The following SAA2 variants were observed in gnomAD, a reference collection of about 807,000 sequenced individuals.
The protein encoded by SAA2 is serum amyloid A-2 protein.
In SAA2, 5 loss-of-function variants were observed where a neutral mutation model predicts 9.1. That is an observed-to-expected ratio of 0.55 (90% CI 0.29 to 1.16). SAA2 has a LOEUF of 1.16. Ranked by LOEUF, SAA2 falls within the 50% of genes most tolerant of loss-of-function variation. The pLI is 0.09. For missense variants in SAA2, 94 were observed against 153.8 expected (o/e 0.61, Z 2.06); for synonymous variants, 49 against 59.8 (o/e 0.82, Z 0.83).
At chr11:18,243,051 T>C (rs1419948094), downstream of SAA2, among the ~76,000 whole-genome samples, 3 of 152,232 alleles carry the variant, frequency 2.0e-5, no homozygotes, top group Non-Finnish European at 2.9e-5. Context: ...ACCTTTTTCC[T>C]TGGATACAAA....
chr11:18,242,931 G>A (rs954158287), downstream of SAA2: 6 of 645,664 alleles, frequency 9.3e-6, 1 homozygote, highest in Non-Finnish European at 5.6e-6. Flanking sequence ...AGAGAAGCAT[G>A]TTAATTCTTA....
downstream of SAA2, chr11:18,240,435 C>T: frequency 3.2e-6 from 2 of 622,668 alleles, no homozygotes; most frequent in East Asian, 2.7e-5. Flanking sequence ...ATCAGCCTAC[C>T]AGGGTACTGT....
At position 18,245,510 on chromosome 11, in the gene SAA2, G is replaced by T. The variant is rs116861605; in HGVS notation, c.236C>A (p.Ala79Asp). Residue 79 changes from alanine (A) to aspartate (D), a missense_variant, in exon 4 of 4, where the codon GCC becomes GAC. By Grantham distance (126) the Ala-to-Asp change is moderately radical (BLOSUM62 -2). Around this residue, in one of 2 missense-constraint regions of SAA2, gnomAD observed 62 missense variants for 58.3 expected, o/e 1.06. Coordinates refer to ENST00000256733, the MANE Select transcript of SAA2 (RefSeq NM_030754.5). Reference protein sequence around the residue: ...GAWAAEVISNARENIQRLTGR... With the variant: ...GAWAAEVISNDRENIQRLTGR... ...TGTGAGTCTCTGGATATTCTCTCTG[G>T]CATTGCTGTAGTCCAGGCAGGCAAG... The T allele has an allele frequency of 8.1e-6, 13 of 1,614,018 alleles. No homozygotes were observed. Among genetic ancestry groups the T allele is most frequent in the Non-Finnish European group, 9.3e-6 (11 of 1,179,898 alleles).
At chr11:18,242,667 G>A (rs545564052), downstream of SAA2, 1,205 of 639,264 alleles carry the variant, frequency 1.9e-3, 9 homozygotes, top group South Asian at 4.3e-3. Context: ...GTGACACGGC[G>A]AAACCCCATC....
At position 18,245,433 on chromosome 11, in the gene SAA2, T is replaced by A. The variant is rs1241435366; in HGVS notation, c.313A>T (p.Arg105Trp). 1 of 1,614,258 alleles carries A rather than the reference T, an allele frequency of 6.2e-7. No individual in the cohort carries two copies. The change falls in exon 4 of 4, where the codon AGG (arginine) becomes TGG (tryptophan). Residue 105 changes from arginine to tryptophan, a missense_variant. Coordinates refer to ENST00000256733, the MANE Select transcript of SAA2 (RefSeq NM_030754.5). ...AAGTGATTGGGGTCTCTGCCACTCC[T>A]GCCCCATTTATTGGCAGCCTGATCG... The part of the protein sequence containing the change: ...LADQAANKWG[R>W]SGRDPNHFRP...
At chr11:18,242,720 T>C (rs986015014), downstream of SAA2, 3 of 694,584 alleles carry the variant, frequency 4.3e-6, no homozygotes, top group Non-Finnish European at 7.9e-6. Context: ...ATGGCGCACA[T>C]CTGCAGTCCC....
At chr11:18,242,219 GC>G (rs1260216920), downstream of SAA2, 1 of 152,250 alleles carries the variant, frequency 6.6e-6, no homozygotes, top group Non-Finnish European at 1.5e-5. Context: ...TCTGCCCTCT[GC>G]AAGCTAGAAA....
intron 3 of SAA2, chr11:18,240,208 A>C (rs1857305867): frequency 1.4e-6 from 1 of 713,850 alleles, no homozygotes; most frequent in African/African-American, 1.7e-5. Context: ...ATTCTCTTGA[A>C]ATTTGAATGA....
chr11:18,246,903 G>A (rs112002597), intron 2 of SAA2, among the ~76,000 whole-genome samples: 1 of 148,408 alleles, frequency 6.7e-6, no homozygotes, highest in African/African-American at 2.4e-5. Context: ...TGCAGACTCT[G>A]CTGGGGAGTT....
chr11:18,239,860 G>T, exon 4 of SAA2: 1 of 1,496,924 alleles, frequency 6.7e-7, no homozygotes, highest in Non-Finnish European at 8.9e-7. Flanking sequence ...GGTCTTGTTA[G>T]TGGTGGTTAT....
At position 18,245,333 on chromosome 11, in the gene SAA2, G is replaced by T. The variant is rs748071108; in HGVS notation, c.*44C>A. The T allele has an allele frequency of 3.7e-6, 6 of 1,611,592 alleles. No homozygotes were observed. The South Asian group carries it at 6.6e-5, about 18-fold the overall frequency. On this transcript the variant is annotated 3_prime_UTR_variant, in exon 4 of 4. Coordinates refer to ENST00000256733, the MANE Select transcript of SAA2 (RefSeq NM_030754.5). ...CACTAACTTTGTATCCCTGCCCCGA[G>T]GGCCTCATAGCCAGGTCTCCTGAGA...
At chr11:18,240,214 A>C (rs917139528) in intron 3 of SAA2, 4 of 709,272 alleles carry the variant, frequency 5.6e-6, no homozygotes, top group Non-Finnish European at 1.0e-5. Flanking sequence ...TTGAAATTTG[A>C]ATGAGGCAAA....
downstream of SAA2, among the ~76,000 whole-genome samples, chr11:18,240,458 C>T (rs1028046619): frequency 1.3e-5 from 2 of 152,152 alleles, no homozygotes; most frequent in Admixed American, 6.5e-5. Flanking sequence ...TTTGGGGTGA[C>T]ATTCCCTGGG....
At chr11:18,243,040 C>G (rs1294602919), downstream of SAA2, among the ~76,000 whole-genome samples, 1 of 152,132 alleles carries the variant, frequency 6.6e-6, no homozygotes, top group Non-Finnish European at 1.5e-5. Flanking sequence ...GTAAACCAAG[C>G]ACCTTTTTCC....
chr11:18,242,199 A>G (rs1857365454), downstream of SAA2: 1 of 152,236 alleles, frequency 6.6e-6, no homozygotes. Flanking sequence ...GGGGCTGAGA[A>G]GTCCCACGAT....
chr11:18,247,218 G>A (rs1409943258), intron 2 of SAA2, among the ~76,000 whole-genome samples: 3 of 152,158 alleles, frequency 2.0e-5, no homozygotes, highest in African/African-American at 7.2e-5. Flanking sequence ...CCCAGCTCTT[G>A]TCAAGAAGGC....
intron 2 of SAA2, among the ~76,000 whole-genome samples, chr11:18,247,133 C>T (rs1332478959): frequency 1.3e-5 from 2 of 152,306 alleles, no homozygotes; most frequent in African/African-American, 4.8e-5. Flanking sequence ...AGAAGGGATG[C>T]CTGCCTCACA....
chr11:18,245,588 C>T (rs56373142), intron 3 of SAA2, 73 bp from the exon 4 acceptor site: 647,116 of 1,574,046 alleles, frequency 0.41, 140,311 homozygotes, highest in Non-Finnish European at 0.44. Flanking sequence ...CCATTCTCCC[C>T]GTTCCAAGGG....
At chr11:18,243,637 C>T (rs1219232525), downstream of SAA2, among the ~76,000 whole-genome samples, 1 of 152,182 alleles carries the variant, frequency 6.6e-6, no homozygotes, top group Non-Finnish European at 1.5e-5. Flanking sequence ...ACCTACACTT[C>T]TATTAGTGTC....
Sources: gnomAD v4.1 joint callset for allele counts (sites outside exome capture counted in the v4.1 genomes callset) on GRCh38, gnomAD v4.1.1 for gene constraint, gnomAD v4.1.1 regional missense constraint, MANE v1.5 for transcripts, NCBI Gene and HGNC (gene_info 2026-07-23, HGNC 2026-07-21) for gene names.